AUTS2: variants seen among roughly 807,000 people sequenced by gnomAD.
The protein encoded by AUTS2 is activator of transcription and developmental regulator AUTS2, also known as autism susceptibility gene 2 protein.
AUTS2 carries 17 observed loss-of-function variants against 112.4 expected under a neutral mutation model. The observed-to-expected ratio is 0.15, with a 90% confidence interval of 0.10 to 0.23. The LOEUF (loss-of-function observed/expected upper bound fraction) is 0.23. Ranked by LOEUF, AUTS2 falls within the 10% of genes least tolerant of loss-of-function variation. The probability of loss-of-function intolerance (pLI) is 1.00; values close to 1 mark genes in which losing one functional copy is unlikely to be tolerated. For missense variants in AUTS2, 1,510 were observed against 1,701.6 expected, an observed-to-expected ratio of 0.89 and a Z score of 1.98; for synonymous variants, 751 against 702.7, an observed-to-expected ratio of 1.07 and a Z score of -1.09.
intron 1 of AUTS2, among the ~76,000 whole-genome samples, chr7:69,752,973 T>C (rs1022187199): frequency 3.9e-5 from 6 of 152,224 alleles, no homozygotes; most frequent in Non-Finnish European, 8.8e-5. Context: ...AAGGAACTCA[T>C]GTTTCCTGAC....
intron 1 of AUTS2, among the ~76,000 whole-genome samples, chr7:69,811,817 T>C (rs151031156): frequency 5.9e-5 from 9 of 152,320 alleles, no homozygotes; most frequent in South Asian, 2.1e-4. Context: ...AGCATAGTCA[T>C]TTCTGTGTGT....
chr7:70,515,812 T>G (rs1453061633), intron 5 of AUTS2, among the ~76,000 whole-genome samples: 1 of 152,086 alleles, frequency 6.6e-6, no homozygotes, highest in Non-Finnish European at 1.5e-5. Flanking sequence ...TTTTGAAAAA[T>G]GTTAAGAGGA....
At chr7:70,063,527 C>T (rs971611699) in intron 2 of AUTS2, among the ~76,000 whole-genome samples, 1 of 152,068 alleles carries the variant, frequency 6.6e-6, no homozygotes, top group Non-Finnish European at 1.5e-5. Context: ...CACTGGTAAA[C>T]CAGAGATCAT....
chr7:70,594,448 T>C (rs1803097301), intron 5 of AUTS2, among the ~76,000 whole-genome samples: 1 of 152,178 alleles, frequency 6.6e-6, no homozygotes, highest in African/African-American at 2.4e-5. Context: ...GGTGATTTGA[T>C]AGCATTGGTG....
chr7:69,749,101 T>G (rs768326596), intron 1 of AUTS2, among the ~76,000 whole-genome samples: 2 of 152,118 alleles, frequency 1.3e-5, no homozygotes, highest in Non-Finnish European at 2.9e-5. Flanking sequence ...TTGTCAGGAT[T>G]GAATGAGATG....
intron 4 of AUTS2, among the ~76,000 whole-genome samples, chr7:70,340,830 G>T (rs967123254): frequency 1.3e-5 from 2 of 152,216 alleles, no homozygotes; most frequent in Admixed American, 1.3e-4. Flanking sequence ...GGATTTTGGC[G>T]CCTGCCAAGG....
At chr7:70,175,002 T>A (rs759795427) in intron 4 of AUTS2, among the ~76,000 whole-genome samples, 12 of 152,184 alleles carry the variant, frequency 7.9e-5, no homozygotes, top group Non-Finnish European at 1.3e-4. Context: ...TTAGCCACCG[T>A]AATTAGTGAT....
intron 2 of AUTS2, among the ~76,000 whole-genome samples, chr7:70,076,740 T>A (rs562922466): frequency 9.9e-4 from 151 of 152,322 alleles, no homozygotes; most frequent in Admixed American, 3.0e-3. Flanking sequence ...GCAGCTGAAA[T>A]CTTTCAGGCT....
intron 4 of AUTS2, among the ~76,000 whole-genome samples, chr7:70,360,436 G>A (rs1046596985): frequency 4.6e-5 from 7 of 152,066 alleles, no homozygotes; most frequent in South Asian, 2.1e-4. Context: ...CACTAAGCTC[G>A]GCCTAAGCAA....
intron 2 of AUTS2, among the ~76,000 whole-genome samples, chr7:70,047,678 T>C (rs1801568508): frequency 6.6e-6 from 1 of 152,130 alleles, no homozygotes; most frequent in Admixed American, 6.5e-5. Flanking sequence ...ACATAGATGG[T>C]ATAATAACAA....
chr7:70,725,439 T>C (rs1786970940), intron 6 of AUTS2, among the ~76,000 whole-genome samples: 1 of 152,254 alleles, frequency 6.6e-6, no homozygotes, highest in African/African-American at 2.4e-5. Flanking sequence ...AGGAGAATTA[T>C]GTTGTAAGAA....
At chr7:70,387,403 T>A (rs1057355566) in intron 4 of AUTS2, among the ~76,000 whole-genome samples, 1 of 152,330 alleles carries the variant, frequency 6.6e-6, no homozygotes, top group East Asian at 1.9e-4. Flanking sequence ...GCACTCCACA[T>A]TATCCGGCTA....
chr7:70,514,731 CTCT>C (rs1362970236), intron 5 of AUTS2, among the ~76,000 whole-genome samples: 3 of 152,214 alleles, frequency 2.0e-5, no homozygotes, highest in Non-Finnish European at 4.4e-5. Context: ...TTGCCAGTTG[CTCT>C]GCGGTGGTTG....
In AUTS2 at chr7:70,233,782, A is replaced by T. The variant is rs115668719; in HGVS notation, c.660+99211A>T. ...AAGACCATAAGAATCACCAAAGCGG[A>T]ATTTCCCATTGCTGGTAAAGAGATG... On this transcript the variant is annotated intron_variant, in intron 4 of 18. Coordinates refer to ENST00000342771, the MANE Select transcript of AUTS2 (RefSeq NM_015570.4). Among the ~76,000 whole-genome samples the T allele has an allele frequency of 3.1e-3, 478 of 152,324 alleles. 4 individuals carry two copies. The highest frequency in any genetic ancestry group is 0.011 in the African/African-American group (471 of 41,566).
chr7:70,382,224 T>C (rs1383308613), intron 4 of AUTS2, among the ~76,000 whole-genome samples: 5 of 152,222 alleles, frequency 3.3e-5, no homozygotes, highest in Non-Finnish European at 1.5e-5. Context: ...GGTCAACCAA[T>C]TTGAAAAACT....
chr7:70,626,311 C>G (rs570041796), intron 5 of AUTS2, among the ~76,000 whole-genome samples: 37 of 143,908 alleles, frequency 2.6e-4, no homozygotes, highest in Admixed American at 2.1e-3. Flanking sequence ...ATTGCTTGAG[C>G]CTAAAAGTTT....
At chr7:69,983,487 G>T (rs1173977133) in intron 2 of AUTS2, among the ~76,000 whole-genome samples, 3 of 151,864 alleles carry the variant, frequency 2.0e-5, no homozygotes, top group African/African-American at 7.3e-5. Flanking sequence ...ATGGTAACCT[G>T]CCAGCATCAG....
At chr7:70,214,399 A>G (rs1041039489) in intron 4 of AUTS2, among the ~76,000 whole-genome samples, 1 of 152,090 alleles carries the variant, frequency 6.6e-6, no homozygotes, top group Non-Finnish European at 1.5e-5. Context: ...TCCATTTTAT[A>G]TAATTTTTAA....
intron 2 of AUTS2, among the ~76,000 whole-genome samples, chr7:70,087,414 G>T (rs1194307992): frequency 6.7e-6 from 1 of 148,170 alleles, no homozygotes; most frequent in Non-Finnish European, 1.5e-5. Flanking sequence ...TTGTAGCCCA[G>T]TCTGGAGTGC....
Sources: allele counts gnomAD v4.1 joint callset (sites outside exome capture counted in the v4.1 genomes callset), GRCh38; gene constraint gnomAD v4.1.1; transcripts MANE v1.5; gene names NCBI Gene and HGNC (gene_info 2026-07-23, HGNC 2026-07-21).